The following PCSK1 variants were observed in gnomAD, a reference collection of about 807,000 sequenced individuals.
PCSK1 encodes the protein proprotein convertase subtilisin/kexin type 1, also known as neuroendocrine convertase 1.
PCSK1 carries 56 observed loss-of-function variants against 90.6 expected under a neutral mutation model. The ratio of observed to expected loss-of-function variants is 0.62; its 90% CI spans 0.50 to 0.77. The LOEUF (loss-of-function observed/expected upper bound fraction) is 0.77, where lower values mean the gene tolerates loss of function less well. Ranked by LOEUF, PCSK1 falls within the 30% of genes least tolerant of loss-of-function variation. PCSK1 has a pLI of 0.00. For missense variants in PCSK1, 801 were observed against 932.6 expected (o/e 0.86, Z 1.84); for synonymous variants, 348 against 342.4 (o/e 1.02, Z -0.18).
Position 96,393,324 on chromosome 5 carries a change from T to A in PCSK1, c.1939A>T (p.Ser647Cys). 1 of 1,614,100 alleles carries A rather than the reference T, an allele frequency of 6.2e-7. No individual in the cohort carries two copies. The highest frequency in any genetic ancestry group is 8.5e-7 in the Non-Finnish European group (1 of 1,179,964). The change falls in exon 14 of 14, where the codon AGC becomes TGC. Residue 647 changes from serine to cysteine, a missense_variant. Coordinates refer to ENST00000311106, the MANE Select transcript of PCSK1 (RefSeq NM_000439.5). ...KENTLVSKSP[S>C]SSSVGGRRDE... ...CTCCGGCCCCCTACGCTGCTGCTGC[T>A]GGGGCTTTTGGACACCAGGGTGTTC...
At chr5:96,422,799 T>G (rs1322442850) in intron 4 of PCSK1, among the ~76,000 whole-genome samples, 1 of 152,240 alleles carries the variant, frequency 6.6e-6, no homozygotes, top group Non-Finnish European at 1.5e-5. Context: ...TGAAGCAAAT[T>G]GTTTTTATTT....
At chr5:96,427,961 G>C (rs1489880817) in intron 2 of PCSK1, among the ~76,000 whole-genome samples, 2 of 152,100 alleles carry the variant, frequency 1.3e-5, no homozygotes, top group East Asian at 1.9e-4. Flanking sequence ...CCTCTGATTT[G>C]GTCTCCCACA....
rs1355435339 is a variant in PCSK1, at chr5:96,393,169, T to G, written c.2094A>C (p.Glu698Asp). ...SPSAKLNIPY[E>D]NFYEALEKLN... ...GCTTTTCCAGGGCTTCGTAGAAGTT[T>G]TCATAAGGGATGTTGAGCTTTGCAC... is the stretch of plus-strand genomic sequence containing the variant. The change falls in exon 14 of 14, where the codon GAA becomes GAC. Residue 698 changes from glutamate to aspartate, a missense_variant. Physicochemically the swap from Glu to Asp is conservative, Grantham distance 45. Transcript: ENST00000311106. The G allele has an allele frequency of 2.5e-6, 4 of 1,614,212 alleles. No individual in the cohort carries two copies. Among genetic ancestry groups the G allele is most frequent in the Non-Finnish European group, 3.4e-6 (4 of 1,180,030 alleles).
chr5:96,416,926 C>G (rs544968245), intron 5 of PCSK1, among the ~76,000 whole-genome samples: 1 of 152,190 alleles, frequency 6.6e-6, no homozygotes, highest in Non-Finnish European at 1.5e-5. Flanking sequence ...TTTCCCACCA[C>G]CATCCTGACT....
chr5:96,429,262 G>A lies in PCSK1; in HGVS notation c.236C>T (p.Ser79Phe). Reference protein sequence around the residue: ...LFKHKNHPRRSRRSAFHITKR... With the variant: ...LFKHKNHPRRFRRSAFHITKR... ...AGTGATATGAAAGGCACTCCTTCGA[G>A]ACCTTCTGGGGTGGTTTTTATGTTT... Residue 79 changes from serine (S) to phenylalanine (F), a missense_variant, in exon 2 of 14, where the codon TCT becomes TTT. Transcript: ENST00000311106. 6.2e-7 allele frequency: 1 copy of A among 1,604,412 alleles called. No individual in the cohort carries two copies. Among genetic ancestry groups the A allele is most frequent in the East Asian group, 2.2e-5 (1 of 44,756 alleles).
chr5:96,400,950 G>C (rs1292196700), intron 9 of PCSK1, among the ~76,000 whole-genome samples: 1 of 151,308 alleles, frequency 6.6e-6, no homozygotes, highest in Non-Finnish European at 1.5e-5. Flanking sequence ...AGCCGGGCGC[G>C]GTGGCGGGCG....
chr5:96,390,357 T>C lies in PCSK1; in HGVS notation c.*2644A>G, dbSNP rs1759899554. ...GTTTGTGGTGGAAACATGAGCTTTT[T>C]TTCTTTTGACTTAGTGAGAAACAAT... On this transcript the variant is annotated 3_prime_UTR_variant, in exon 14 of 14. Coordinates refer to ENST00000311106, the MANE Select transcript of PCSK1 (RefSeq NM_000439.5). 1 of 152,224 alleles carries C rather than the reference T, an allele frequency of 6.6e-6. No individual in the cohort carries two copies. The highest frequency in any genetic ancestry group is 2.1e-4 in the South Asian group (1 of 4,834). 9.4% of individuals were successfully genotyped at this position (152,224 alleles called of 1,614,324 possible).
At chr5:96,399,293 A>G (rs1447857546) in intron 10 of PCSK1, among the ~76,000 whole-genome samples, 1 of 152,186 alleles carries the variant, frequency 6.6e-6, no homozygotes, top group Non-Finnish European at 1.5e-5. Context: ...ACCCATCAAA[A>G]AGCCCCTCTT....
At position 96,393,161 on chromosome 5, in the gene PCSK1, T is replaced by C. The variant is rs956986716; in HGVS notation, c.2102A>G (p.Tyr701Cys). Residue 701 changes from tyrosine to cysteine, a missense_variant, in exon 14 of 14, where the codon TAC becomes TGC. Tyr to Cys is a radical substitution (Grantham distance 194). Coordinates refer to ENST00000311106, the MANE Select transcript of PCSK1 (RefSeq NM_000439.5). ...AKLNIPYENFYEALEKLNKPS... is the reference protein window; with the variant it reads ...AKLNIPYENFCEALEKLNKPS... ...TTTGTTCAGCTTTTCCAGGGCTTCG[T>C]AGAAGTTTTCATAAGGGATGTTGAG... 3.7e-6 allele frequency: 6 copies of C among 1,614,110 alleles called. No homozygotes were observed. In the African/African-American group the frequency reaches 8.0e-5, roughly 22 times the overall value.
chr5:96,406,575 A>G (rs1479298147), intron 9 of PCSK1, among the ~76,000 whole-genome samples: 1 of 152,204 alleles, frequency 6.6e-6, no homozygotes, highest in Admixed American at 6.5e-5. Context: ...ATACCCAGGA[A>G]TATACCCCAT....
intron 5 of PCSK1, among the ~76,000 whole-genome samples, chr5:96,419,731 C>T (rs114246882): frequency 0.025 from 3,736 of 151,856 alleles, 151 homozygotes; most frequent in African/African-American, 0.086. Flanking sequence ...TGGGCTGCTT[C>T]CCTAGGGCCT....
At chr5:96,430,309 A>G (rs1022574807) in intron 1 of PCSK1, among the ~76,000 whole-genome samples, 9 of 152,238 alleles carry the variant, frequency 5.9e-5, no homozygotes, top group African/African-American at 1.9e-4. Flanking sequence ...GTAACCCTGC[A>G]TTTTTAAAAT....
Position 96,423,393 on chromosome 5 carries a change from C to T in PCSK1, c.463G>A (p.Gly155Ser), listed in dbSNP as rs1382566997. 2.0e-5 allele frequency: 32 copies of T among 1,613,936 alleles called. No homozygotes were observed. Among genetic ancestry groups the T allele is most frequent in the Non-Finnish European group, 2.7e-5 (32 of 1,179,956 alleles). ...ATAACAACTCCTTTGCCCGTAATGCCTTTTTGCCAAACAGGTATCACATGA... is the reference window on the plus strand; with the variant it reads ...ATAACAACTCCTTTGCCCGTAATGCTTTTTTGCCAAACAGGTATCACATGA... Reference protein sequence around the residue: ...DLHVIPVWQKGITGKGVVITV... With the variant: ...DLHVIPVWQKSITGKGVVITV... The change falls in exon 4 of 14, where the codon GGC (glycine) becomes AGC (serine). Residue 155 changes from glycine (G) to serine (S), a missense_variant. By Grantham distance (56) the Gly-to-Ser change is moderately conservative. Transcript: ENST00000311106.
At chr5:96,406,588 C>A (rs878923715) in intron 9 of PCSK1, among the ~76,000 whole-genome samples, 38 of 152,324 alleles carry the variant, frequency 2.5e-4, no homozygotes, top group Admixed American at 4.6e-4. Flanking sequence ...TACCCCATCT[C>A]CATAGGAAGC....
Position 96,398,678 on chromosome 5 carries a change from C to T in PCSK1, c.1588+201G>A, listed in dbSNP as rs115440466. On this transcript the variant is annotated intron_variant, in intron 11 of 13. Coordinates refer to ENST00000311106, the MANE Select transcript of PCSK1 (RefSeq NM_000439.5). ...GCATTATTTGAATGGGCCTCATTCT[C>T]TGCTTATCAAAGGATCAGTGGAAAT... Among the ~76,000 whole-genome samples the T allele has an allele frequency of 2.8e-3, 422 of 152,222 alleles. 3 individuals carry two copies. Among genetic ancestry groups the T allele is most frequent in the African/African-American group, 9.8e-3 (409 of 41,562 alleles).
intron 11 of PCSK1, among the ~76,000 whole-genome samples, chr5:96,398,036 C>T (rs1399348186): frequency 6.6e-6 from 1 of 151,960 alleles, no homozygotes; most frequent in Admixed American, 6.6e-5. Flanking sequence ...ATTTTTAAGT[C>T]CCAGCCCTTT....
intron 4 of PCSK1, 55 bp from the exon 5 acceptor site, chr5:96,422,011 AAAAAAAAAG>A (rs1761146390): frequency 1.1e-6 from 1 of 902,680 alleles, no homozygotes; most frequent in Non-Finnish European, 1.8e-6. Context: ...AAAAAAAAAA[AAAAAAAAAG>A]CATCACTTCC....
chr5:96,413,519 G>T (rs555768870), intron 6 of PCSK1, among the ~76,000 whole-genome samples: 1 of 152,310 alleles, frequency 6.6e-6, no homozygotes, highest in South Asian at 2.1e-4. Flanking sequence ...TGCATTTAGA[G>T]CCAGGCGCAG....
At chr5:96,412,752 G>GTTTTGTTTTTTTTT (rs1760801934) in intron 6 of PCSK1, among the ~76,000 whole-genome samples, 9 of 71,810 alleles carry the variant, frequency 1.3e-4, no homozygotes, top group African/African-American at 7.2e-4. Context: ...CAGCTGTGAT[G>GTTTTGTTTTTTTTT]TTTTTTTTTT....
Sources: gnomAD v4.1 joint callset for allele counts (sites outside exome capture counted in the v4.1 genomes callset) on GRCh38, gnomAD v4.1.1 for gene constraint, MANE v1.5 for transcripts, NCBI Gene and HGNC (gene_info 2026-07-23, HGNC 2026-07-21) for gene names.